Variants in CMIP observed in about 807,000 individuals in gnomAD.
CMIP encodes C-Maf-inducing protein.
A neutral mutation model predicts 97.3 loss-of-function variants in CMIP; 13 were observed. That is an observed-to-expected ratio of 0.13 (90% confidence interval 0.09 to 0.21). The LOEUF is 0.21. Among genes scored for constraint, CMIP ranks in the 10% least tolerant of loss-of-function variants. CMIP has a pLI of 1.00. For missense variants in CMIP, 847 were observed against 1,024.9 expected, an observed-to-expected ratio of 0.83 and a Z score of 2.37; for synonymous variants, 538 against 436.3, an observed-to-expected ratio of 1.23 and a Z score of -2.91.
At chr16:81,446,808 G>C (rs1052192161) in intron 1 of CMIP, among the ~76,000 whole-genome samples, 1 of 152,198 alleles carries the variant, frequency 6.6e-6, no homozygotes, top group Non-Finnish European at 1.5e-5. Flanking sequence ...GGGGAGGGGG[G>C]AAAAGTTAGC....
intron 1 of CMIP, among the ~76,000 whole-genome samples, chr16:81,547,785 G>T (rs2090575639): frequency 6.6e-6 from 1 of 152,158 alleles, no homozygotes. Flanking sequence ...CACAGTTGTG[G>T]GGCAGTGAGG....
intron 1 of CMIP, among the ~76,000 whole-genome samples, chr16:81,466,945 G>A (rs190819204): frequency 6.6e-6 from 1 of 152,196 alleles, no homozygotes; most frequent in African/African-American, 2.4e-5. Flanking sequence ...CTTTTTTCTT[G>A]TGCCTAATTT....
At chr16:81,703,665 C>A (rs979479684) in intron 17 of CMIP, among the ~76,000 whole-genome samples, 1 of 152,046 alleles carries the variant, frequency 6.6e-6, no homozygotes, top group Non-Finnish European at 1.5e-5. Context: ...TGGAACACCC[C>A]GCTGGTGCCT....
rs1466506674 is a variant in CMIP, at chr16:81,445,464, A to G, written c.223A>G (p.Ile75Val). Residue 75 changes from isoleucine (I) to valine (V), a missense_variant, in exon 1 of 21, where the codon ATC becomes GTC. By Grantham distance (29) the Ile-to-Val change is conservative. This residue lies in a region of CMIP where 285 missense variants were observed against 392.2 expected (regional missense o/e 0.73). Transcript: ENST00000537098. ...IRHPRTFLSK[I>V]LTSKFLRRWE... ...GCACCCGCGGACCTTTCTCAGCAAG[A>G]TCCTCACCTCGAAATTCCTGAGGCG... is the stretch of plus-strand genomic sequence containing the variant. The G allele has an allele frequency of 1.3e-6, 2 of 1,570,346 alleles. No homozygotes were observed. The highest frequency in any genetic ancestry group is 1.7e-6 in the Non-Finnish European group (2 of 1,157,904).
At chr16:81,564,325 C>G (rs1271687131) in intron 1 of CMIP, among the ~76,000 whole-genome samples, 1 of 152,196 alleles carries the variant, frequency 6.6e-6, no homozygotes, top group African/African-American at 2.4e-5. Flanking sequence ...TCTCCGATGT[C>G]TAAAATGTGC....
intron 13 of CMIP, chr16:81,695,857 C>G (rs1204638503): frequency 6.5e-6 from 1 of 153,024 alleles, no homozygotes; most frequent in Non-Finnish European, 1.5e-5. Context: ...GGGACAAAGA[C>G]TCAGGGAAGG....
chr16:81,467,705 C>G (rs535582549), intron 1 of CMIP, among the ~76,000 whole-genome samples: 1 of 151,348 alleles, frequency 6.6e-6, no homozygotes, highest in East Asian at 1.9e-4. Context: ...CTCTACCTCT[C>G]GAGTAGCTGG....
At chr16:81,637,973 G>C (rs981261251) in intron 3 of CMIP, among the ~76,000 whole-genome samples, 3 of 152,166 alleles carry the variant, frequency 2.0e-5, no homozygotes, top group Non-Finnish European at 4.4e-5. Context: ...GATCCCATTG[G>C]TGAGGGCTCC....
At chr16:81,677,620 T>C (rs1904405804) in intron 9 of CMIP, among the ~76,000 whole-genome samples, 1 of 152,154 alleles carries the variant, frequency 6.6e-6, no homozygotes, top group African/African-American at 2.4e-5. Flanking sequence ...GCCTAACAAA[T>C]GTGAGATTAA....
rs182853061 is a variant in CMIP at position 81,689,998 on chromosome 16, T to G, written c.1389-1777T>G. ...GGTATTATTTCTGAGGGCCCTGTTC[T>G]GTTCCATTGGTCTGTATCTCTGTTT... is the stretch of plus-strand genomic sequence containing the variant. On this transcript the variant is annotated intron_variant, in intron 10 of 20. Coordinates refer to ENST00000537098, the MANE Select transcript of CMIP (RefSeq NM_198390.3). 3.9e-3 allele frequency among the ~76,000 whole-genome samples: 601 copies of G among 152,354 alleles called. 1 individual carries two copies. Among genetic ancestry groups the G allele is most frequent in the African/African-American group, 0.014 (563 of 41,582 alleles).
chr16:81,541,878 A>G (rs1365889907), intron 1 of CMIP, among the ~76,000 whole-genome samples: 2 of 152,246 alleles, frequency 1.3e-5, no homozygotes, highest in Non-Finnish European at 2.9e-5. Flanking sequence ...ACTACAAAAG[A>G]TGGAGAACAT....
At chr16:81,572,352 A>T (rs1414237929) in intron 1 of CMIP, among the ~76,000 whole-genome samples, 1 of 152,146 alleles carries the variant, frequency 6.6e-6, no homozygotes, top group Non-Finnish European at 1.5e-5. Flanking sequence ...TCGCTCTTGG[A>T]AAGAGCCCCC....
At chr16:81,632,500 T>G (rs1163277011) in intron 3 of CMIP, among the ~76,000 whole-genome samples, 2 of 152,206 alleles carry the variant, frequency 1.3e-5, no homozygotes, top group Admixed American at 1.3e-4. Flanking sequence ...AGTTTCATAG[T>G]CTTCCCTTCA....
chr16:81,619,151 C>T (rs1222629549), intron 2 of CMIP: 1 of 152,232 alleles, frequency 6.6e-6, no homozygotes, highest in East Asian at 1.9e-4. Context: ...GTCGGAGTTC[C>T]TGTGTCACAC....
Position 81,492,418 on chromosome 16 carries a change from G to A in CMIP, c.300+46877G>A, listed in dbSNP as rs542930688. 1.5e-4 allele frequency among the ~76,000 whole-genome samples: 23 copies of A among 152,338 alleles called. No individual in the cohort carries two copies. The South Asian group carries it at 1.9e-3, about 12-fold the overall frequency. On this transcript the variant is annotated intron_variant, in intron 1 of 20. Coordinates refer to ENST00000537098, the MANE Select transcript of CMIP (RefSeq NM_198390.3). ...GGCTGAGTCCTCTGTCCCTCTGTCCGTGGCCACTCAGCCATGAGCACTTCT... is the reference window on the plus strand; with the variant it reads ...GGCTGAGTCCTCTGTCCCTCTGTCCATGGCCACTCAGCCATGAGCACTTCT...
intron 10 of CMIP, among the ~76,000 whole-genome samples, chr16:81,684,595 C>G (rs1012757820): frequency 6.6e-6 from 1 of 152,258 alleles, no homozygotes; most frequent in Admixed American, 6.5e-5. Flanking sequence ...AAGCCTTGTT[C>G]AGTCCCAACA....
At chr16:81,624,811 A>C (rs2092039190) in intron 3 of CMIP, among the ~76,000 whole-genome samples, 1 of 152,150 alleles carries the variant, frequency 6.6e-6, no homozygotes, top group African/African-American at 2.4e-5. Context: ...ATTGACCTCA[A>C]ATTGTTTTGT....
At chr16:81,679,597 G>A (rs1904659732) in intron 10 of CMIP, among the ~76,000 whole-genome samples, 1 of 151,994 alleles carries the variant, frequency 6.6e-6, no homozygotes, top group South Asian at 2.1e-4. Context: ...GTCTATGTGT[G>A]CACATTGGTG....
At chr16:81,668,316 C>A (rs2092632963) in intron 7 of CMIP, among the ~76,000 whole-genome samples, 1 of 152,150 alleles carries the variant, frequency 6.6e-6, no homozygotes, top group Admixed American at 6.5e-5. Flanking sequence ...CCCAGCACCT[C>A]CGCAGCCCTG....
Sources: allele counts gnomAD v4.1 joint callset (sites outside exome capture counted in the v4.1 genomes callset), GRCh38; gene constraint gnomAD v4.1.1; regional missense constraint gnomAD v4.1.1; transcripts MANE v1.5; gene names NCBI Gene and HGNC (gene_info 2026-07-23, HGNC 2026-07-21).